The following RNF138 variants were observed in gnomAD, a reference collection of about 807,000 sequenced individuals.
The protein encoded by RNF138 is E3 ubiquitin-protein ligase RNF138.
In RNF138, 12 loss-of-function variants were observed where a neutral mutation model predicts 31.0. That is an observed-to-expected ratio of 0.39 (90% CI 0.25 to 0.63). The LOEUF is 0.63. RNF138 is among the 20% of genes least tolerant of loss of function. The pLI, the probability that RNF138 is intolerant of heterozygous loss-of-function variation, is 0.52. For synonymous variants in RNF138, 105 were observed against 99.5 expected (o/e 1.06, Z -0.33); for missense variants, 192 against 300.1 (o/e 0.64, Z 2.66).
At chr18:32,120,120 T>C (rs2040279706) in intron 4 of RNF138, among the ~76,000 whole-genome samples, 1 of 152,198 alleles carries the variant, frequency 6.6e-6, no homozygotes, top group African/African-American at 2.4e-5. Flanking sequence ...CCTTTTCTTG[T>C]TCCTGATTTT....
At chr18:32,111,646 TAA>T (rs2040133295) in intron 2 of RNF138, 106 bp from the exon 3 acceptor site, 9 of 918,852 alleles carry the variant, frequency 9.8e-6, no homozygotes, top group African/African-American at 1.7e-5. Flanking sequence ...ATGAGTAGCC[TAA>T]CTTATTTAAT....
At chr18:32,104,232 C>A (rs775461793) in intron 2 of RNF138, among the ~76,000 whole-genome samples, 3 of 151,584 alleles carry the variant, frequency 2.0e-5, no homozygotes, top group Admixed American at 6.6e-5. Context: ...AGGTTGGTCT[C>A]GAACTCCTGA....
rs192146781 is a variant in RNF138 at position 32,098,130 on chromosome 18, G to C, written c.110+5244G>C. 2.0e-5 allele frequency among the ~76,000 whole-genome samples: 3 copies of C among 152,008 alleles called. No individual in the cohort carries two copies. The East Asian group carries it at 5.8e-4, about 30-fold the overall frequency. ...GCCTCCCAAGTAGTTGGGATTACAG[G>C]CGTGCACCATCACGCCCTGCTAATT... is the stretch of plus-strand genomic sequence containing the variant. On this transcript the variant is annotated intron_variant, in intron 2 of 7. Coordinates refer to ENST00000261593, the MANE Select transcript of RNF138 (RefSeq NM_016271.5).
chr18:32,094,947 T>A (rs2039778560), intron 2 of RNF138, among the ~76,000 whole-genome samples: 2 of 152,190 alleles, frequency 1.3e-5, no homozygotes, highest in Admixed American at 1.3e-4. Flanking sequence ...AGGTTTATAA[T>A]TTGATTTGAC....
chr18:32,129,047 C>G, intron 7 of RNF138, 72 bp from the exon 8 acceptor site: 1 of 979,052 alleles, frequency 1.0e-6, no homozygotes, highest in South Asian at 1.3e-5. Context: ...ATCAAGATGT[C>G]TAATGTTTTG....
In RNF138 at chr18:32,126,768, C is replaced by T; in HGVS notation, c.637C>T (p.Gln213Ter). 1 of 1,599,330 alleles carries T rather than the reference C, an allele frequency of 6.3e-7. No individual in the cohort carries two copies. Among genetic ancestry groups the T allele is most frequent in the Non-Finnish European group, 8.6e-7 (1 of 1,167,052 alleles). ...ITRNFVSHLN[Q>*]RHQFDYGEFV... ...CAGAAATTTCGTTAGTCATCTAAATCAGAGACATCAATTTGATTATGGAGA... is the reference window on the plus strand; with the variant it reads ...CAGAAATTTCGTTAGTCATCTAAATTAGAGACATCAATTTGATTATGGAGA... The change falls in exon 7 of 8, where the codon CAG becomes TAG. Residue 213 changes from glutamine (Q) to a stop codon, truncating the protein, a stop_gained. Transcript: ENST00000261593. LOFTEE classifies it high-confidence loss of function.
At chr18:32,117,505 GA>G (rs200397562) in intron 4 of RNF138, among the ~76,000 whole-genome samples, 2 of 151,074 alleles carry the variant, frequency 1.3e-5, no homozygotes, top group Non-Finnish European at 3.0e-5. Flanking sequence ...CAACTGAGTA[GA>G]AAAAAAAATT....
rs34814991 is a variant in RNF138 at position 32,097,944 on chromosome 18, ATGTGTGTG to A, written c.110+5084_110+5091del. ...TGTGTGTGTATATGTGTATGTATAT[ATGTGTGTG>A]TGTGTGTGTGTGTGTGTGTGTGTGT... On this transcript the variant is annotated intron_variant, in intron 2 of 7. Transcript: ENST00000261593. Among the ~76,000 whole-genome samples, 522 of 87,370 alleles carry A rather than the reference ATGTGTGTG, an allele frequency of 6.0e-3. 3 individuals are homozygous for A. Among genetic ancestry groups the A allele is most frequent in the African/African-American group, 0.016 (446 of 28,630 alleles). The allele number at this position is 87,370 out of a possible 152,430, so 57.3% of individuals were successfully genotyped here. A position where few individuals can be genotyped will look rare whatever the true frequency, so the allele number is the denominator to read the frequency against.
chr18:32,093,576 T>C (rs1368786186), intron 2 of RNF138, among the ~76,000 whole-genome samples: 1 of 152,188 alleles, frequency 6.6e-6, no homozygotes, highest in Non-Finnish European at 1.5e-5. Context: ...TCCCCTTTGT[T>C]TTACCTTTCT....
intron 2 of RNF138, among the ~76,000 whole-genome samples, chr18:32,100,161 T>A (rs929898587): frequency 1.3e-5 from 2 of 151,872 alleles, no homozygotes; most frequent in African/African-American, 4.8e-5. Context: ...AGCAAATAGA[T>A]AGGATCCCTG....
chr18:32,108,970 A>G (rs116557015), intron 2 of RNF138, among the ~76,000 whole-genome samples: 326 of 152,114 alleles, frequency 2.1e-3, no homozygotes, highest in African/African-American at 7.5e-3. Flanking sequence ...CCATGGTTTT[A>G]TGTATATAGG....
At chr18:32,109,810 C>T (rs2040097021) in intron 2 of RNF138, among the ~76,000 whole-genome samples, 1 of 152,266 alleles carries the variant, frequency 6.6e-6, no homozygotes, top group East Asian at 1.9e-4. Context: ...TACTTGAGCC[C>T]TGGAGGCAGA....
chr18:32,131,263 C>G lies in RNF138; in HGVS notation c.*2076C>G, dbSNP rs933426748. The G allele has an allele frequency of 6.6e-6, 1 of 152,064 alleles. No homozygotes were observed. Among genetic ancestry groups the G allele is most frequent in the African/African-American group, 2.4e-5 (1 of 41,430 alleles). 9.4% of individuals were successfully genotyped at this position (152,064 alleles called of 1,614,324 possible). A position where few individuals can be genotyped will look rare whatever the true frequency, so the allele number is the denominator to read the frequency against. On this transcript the variant is annotated 3_prime_UTR_variant, in exon 8 of 8. Transcript: ENST00000261593. ...AGGAAAATACTTTATTTGCTTTTAT[C>G]TGAGAATTTCTCAGTATGAAAATGA...
intron 2 of RNF138, among the ~76,000 whole-genome samples, chr18:32,099,478 C>T (rs2039879048): frequency 6.6e-6 from 1 of 152,286 alleles, no homozygotes; most frequent in South Asian, 2.1e-4. Flanking sequence ...TCTTGGCTCA[C>T]CGCAACCTCC....
At chr18:32,127,657 A>G (rs1408692566) in intron 7 of RNF138, among the ~76,000 whole-genome samples, 2 of 152,246 alleles carry the variant, frequency 1.3e-5, no homozygotes, top group African/African-American at 2.4e-5. Context: ...TAGCAATTTT[A>G]TAAAGTAATT....
intron 2 of RNF138, among the ~76,000 whole-genome samples, chr18:32,099,352 G>C (rs1439000089): frequency 6.6e-6 from 1 of 151,912 alleles, no homozygotes; most frequent in Admixed American, 6.6e-5. Context: ...AAACATGCTT[G>C]GTTGTACAGA....
chr18:32,105,853 A>C (rs568386725), intron 2 of RNF138, among the ~76,000 whole-genome samples: 1 of 152,224 alleles, frequency 6.6e-6, no homozygotes, highest in Non-Finnish European at 1.5e-5. Context: ...ATAGCTTTCT[A>C]TGTGACTTTT....
Position 32,108,559 on chromosome 18 carries a change from T to C in RNF138, c.111-3195T>C, listed in dbSNP as rs373812439. Reference sequence around the variant, plus strand: ...TTTGTGAATATACCATAATTAGTTATGCATTCTTCTGTTGGCGGACCTATG... The same window carrying C: ...TTTGTGAATATACCATAATTAGTTACGCATTCTTCTGTTGGCGGACCTATG... On this transcript the variant is annotated intron_variant, in intron 2 of 7. Coordinates refer to ENST00000261593, the MANE Select transcript of RNF138 (RefSeq NM_016271.5). 6.6e-5 allele frequency among the ~76,000 whole-genome samples: 10 copies of C among 152,378 alleles called. No individual in the cohort carries two copies. The East Asian group carries it at 9.6e-4, about 15-fold the overall frequency.
chr18:32,108,297 C>T (rs1042890564), intron 2 of RNF138, among the ~76,000 whole-genome samples: 2 of 152,100 alleles, frequency 1.3e-5, no homozygotes, highest in Admixed American at 1.3e-4. Flanking sequence ...TATTAGCATC[C>T]CAGAAACTCC....
Sources: allele counts gnomAD v4.1 joint callset (sites outside exome capture counted in the v4.1 genomes callset), GRCh38; gene constraint gnomAD v4.1.1; transcripts MANE v1.5; gene names NCBI Gene and HGNC (gene_info 2026-07-23, HGNC 2026-07-21).